MYO18A: variants seen among roughly 807,000 people sequenced by gnomAD.
MYO18A encodes myosin XVIIIA.
A neutral mutation model predicts 235.8 loss-of-function variants in MYO18A; 78 were observed. The observed-to-expected ratio is 0.33, with a 90% CI of 0.28 to 0.40. MYO18A has a LOEUF of 0.40. Among genes scored for constraint, MYO18A ranks in the 10% least tolerant of loss-of-function variants. The pLI is 1.00. For synonymous variants in MYO18A, 977 were observed against 1,077.8 expected (o/e 0.91, Z 1.83); for missense variants, 2,215 against 2,699.3 (o/e 0.82, Z 3.98).
chr17:29,094,255 C>T lies in MYO18A; in HGVS notation c.4711-165G>A, dbSNP rs1190748263. ...CAGCAGCTTCTCCAGAGCAGCTGAA[C>T]TCCCTTACTAGAGGTCTGGCATAGG... On this transcript the variant is annotated intron_variant, in intron 30 of 41. Coordinates refer to ENST00000527372, the MANE Select transcript of MYO18A (RefSeq NM_078471.4). The T allele has an allele frequency of 4.8e-6, 3 of 621,922 alleles. No homozygotes were observed. The African/African-American group carries it at 5.5e-5, about 11-fold the overall frequency. The allele number at this position is 621,922 out of a possible 1,614,324, so 38.5% of individuals were successfully genotyped here. A position where few individuals can be genotyped will look rare whatever the true frequency, so the allele number is the denominator to read the frequency against.
At chr17:29,086,164 A>C (rs984200767) in intron 39 of MYO18A, among the ~76,000 whole-genome samples, 2 of 152,234 alleles carry the variant, frequency 1.3e-5, no homozygotes, top group South Asian at 4.1e-4. Flanking sequence ...AAATGCAGCT[A>C]AACGGGAGAA....
At chr17:29,123,424 G>A (rs1226168713) in intron 2 of MYO18A, among the ~76,000 whole-genome samples, 1 of 152,238 alleles carries the variant, frequency 6.6e-6, no homozygotes, top group Non-Finnish European at 1.5e-5. Context: ...GACACTGGCT[G>A]GGTCCTGACC....
intron 39 of MYO18A, among the ~76,000 whole-genome samples, chr17:29,086,186 G>A (rs1405878438): frequency 6.6e-6 from 1 of 152,226 alleles, no homozygotes; most frequent in East Asian, 1.9e-4. Context: ...AACTCATCTT[G>A]AGCGGGCAGA....
chr17:29,133,145 G>A (rs1485795041), intron 2 of MYO18A, among the ~76,000 whole-genome samples: 1 of 152,230 alleles, frequency 6.6e-6, no homozygotes, highest in African/African-American at 2.4e-5. Flanking sequence ...GGCCCAAGGT[G>A]TGGCATTGGG....
chr17:29,114,782 G>A lies in MYO18A; in HGVS notation c.2511+125C>T, dbSNP rs916616291. On this transcript the variant is annotated intron_variant, in intron 14 of 41. Transcript: ENST00000527372. ...GACAAGGGGGCAAGGAACGACTCCTGCTCCAGAGAGCGCAGGAGGACAGAA... is the reference window on the plus strand; with the variant it reads ...GACAAGGGGGCAAGGAACGACTCCTACTCCAGAGAGCGCAGGAGGACAGAA... 5.7e-6 allele frequency: 6 copies of A among 1,057,312 alleles called. No homozygotes were observed. The African/African-American group carries it at 8.0e-5, about 14-fold the overall frequency. 65.5% of individuals were successfully genotyped at this position (1,057,312 alleles called of 1,614,324 possible).
chr17:29,115,202 T>C, intron 13 of MYO18A, 103 bp from the exon 14 acceptor site: 1 of 1,433,934 alleles, frequency 7.0e-7, no homozygotes, highest in South Asian at 1.3e-5. Context: ...AGGACCCTGG[T>C]GGGGAGGGCA....
In MYO18A at chr17:29,158,004, G is replaced by C. The variant is rs916794812; in HGVS notation, c.999+7938C>G. On this transcript the variant is annotated intron_variant, in intron 2 of 41. Coordinates refer to ENST00000527372, the MANE Select transcript of MYO18A (RefSeq NM_078471.4). The surrounding 1 kb of genome is among the most constrained non-coding windows in gnomAD (Gnocchi z 4.3). ...AGATGGTGTTTTGCCATGTTGCCCA[G>C]GCTGGTCTCAAACTCCTAGGCTCAA... Among the ~76,000 whole-genome samples, 2 of 152,082 alleles carry C rather than the reference G, an allele frequency of 1.3e-5. No homozygotes were observed. The highest frequency in any genetic ancestry group is 6.6e-5 in the Admixed American group (1 of 15,266).
At chr17:29,143,356 C>T (rs969796822) in intron 2 of MYO18A, among the ~76,000 whole-genome samples, 2 of 151,906 alleles carry the variant, frequency 1.3e-5, no homozygotes, top group Admixed American at 1.3e-4. Flanking sequence ...CCTCAGCCTC[C>T]GTAGTAGCTG....
At chr17:29,149,070 G>T (rs1214925852) in intron 2 of MYO18A, among the ~76,000 whole-genome samples, 2 of 152,196 alleles carry the variant, frequency 1.3e-5, no homozygotes, top group East Asian at 3.9e-4. Context: ...CTCCCGCTTT[G>T]CTGGGGCCGC....
intron 2 of MYO18A, among the ~76,000 whole-genome samples, chr17:29,143,583 C>T (rs1053741109): frequency 2.6e-5 from 4 of 152,084 alleles, no homozygotes; most frequent in South Asian, 2.1e-4. Flanking sequence ...TGATCATAAG[C>T]GGGGGAAAAA....
chr17:29,112,218 T>C (rs911084665), intron 15 of MYO18A, among the ~76,000 whole-genome samples: 1 of 152,120 alleles, frequency 6.6e-6, no homozygotes, highest in Non-Finnish European at 1.5e-5. Context: ...GAACCCCACA[T>C]TGCTCTCACT....
At position 29,096,820 on chromosome 17, in the gene MYO18A, G is replaced by C. The variant is rs1158537163; in HGVS notation, c.4326C>G (p.Thr1442=). The C allele has an allele frequency of 6.2e-7, 1 of 1,602,850 alleles. No individual in the cohort carries two copies. The highest frequency in any genetic ancestry group is 1.7e-5 in the Admixed American group (1 of 58,616). ...CCTGCTGGCCCTCCAGGTGCAGCTT[G>C]GTGTCTTGCAGCTCAGCCGTCAGTC... ...CQRLTAELQD[T]KLHLEGQQVR... The change falls in exon 28 of 42, where the codon ACC becomes ACG. Residue 1442 remains threonine, a synonymous_variant. Coordinates refer to ENST00000527372, the MANE Select transcript of MYO18A (RefSeq NM_078471.4).
chr17:29,086,169 G>A (rs1171184879), intron 39 of MYO18A, among the ~76,000 whole-genome samples: 1 of 152,216 alleles, frequency 6.6e-6, no homozygotes, highest in Non-Finnish European at 1.5e-5. Context: ...CAGCTAAACG[G>A]GAGAATAACT....
At chr17:29,127,973 G>A (rs1157869971) in intron 2 of MYO18A, 2 of 1,004,024 alleles carry the variant, frequency 2.0e-6, no homozygotes, top group African/African-American at 3.5e-5. Context: ...CTGCTTCTTT[G>A]GGGCTTCAGG....
chr17:29,079,781 C>T (rs2066071266), intron 41 of MYO18A: 1 of 985,976 alleles, frequency 1.0e-6, no homozygotes, highest in African/African-American at 1.7e-5. Flanking sequence ...CTGTCCACCT[C>T]TTTCTTGCGC....
intron 19 of MYO18A, among the ~76,000 whole-genome samples, chr17:29,108,068 G>A (rs1044012803): frequency 3.9e-5 from 6 of 151,914 alleles, no homozygotes; most frequent in African/African-American, 7.3e-5. Context: ...TTTAAACAGC[G>A]GCCCTCGCAC....
Position 29,115,702 on chromosome 17 carries a change from C to T in MYO18A, c.2189G>A (p.Arg730His), listed in dbSNP as rs781078739. Residue 730 changes from arginine (R) to histidine (H), a missense_variant, in exon 12 of 42, where the codon CGC becomes CAC. Arg to His is a conservative substitution (Grantham distance 29). Transcript: ENST00000527372. ...CAGGCCACTCTCCTCGGGGCCCTGG[C>T]GGAAGGAGGTGGAGCGCTGCAGGGT... ...GGTLQRSTSF[R>H]QGPEESGLGD... The T allele has an allele frequency of 1.6e-5, 26 of 1,606,234 alleles. No homozygotes were observed. Among genetic ancestry groups the T allele is most frequent in the Admixed American group, 6.8e-5 (4 of 59,210 alleles).
intron 21 of MYO18A, among the ~76,000 whole-genome samples, chr17:29,102,038 G>T (rs1568064357): frequency 6.6e-6 from 1 of 152,210 alleles, no homozygotes; most frequent in African/African-American, 2.4e-5. Flanking sequence ...CCTCGCCCAT[G>T]AGTCAGTGTT....
chr17:29,095,030 T>C lies in MYO18A; in HGVS notation c.4415A>G (p.Glu1472Gly). The change falls in exon 29 of 42, where the codon GAG becomes GGG. Residue 1472 changes from glutamate to glycine, a missense_variant. Glu to Gly is a moderately conservative substitution (Grantham distance 98, BLOSUM62 -2). Coordinates refer to ENST00000527372, the MANE Select transcript of MYO18A (RefSeq NM_078471.4). Reference sequence around the variant, plus strand: ...CTGCAGCTTCTCCCGCTGGGCCTCCTCATGCGCCTGCGAGAGCTCACTGTC... The same window carrying C: ...CTGCAGCTTCTCCCGCTGGGCCTCCCCATGCGCCTGCGAGAGCTCACTGTC... ...RFDSELSQAH[E>G]EAQREKLQRE... 1 of 1,569,668 alleles carries C rather than the reference T, an allele frequency of 6.4e-7. No homozygotes were observed. The highest frequency in any genetic ancestry group is 2.4e-5 in the East Asian group (1 of 42,390).
Sources: allele counts gnomAD v4.1 joint callset (sites outside exome capture counted in the v4.1 genomes callset), GRCh38; gene constraint gnomAD v4.1.1; non-coding constraint Gnocchi (gnomAD v3.1); transcripts MANE v1.5; gene names NCBI Gene and HGNC (gene_info 2026-07-23, HGNC 2026-07-21).